The following CFAP221 variants were observed in gnomAD, a reference collection of about 807,000 sequenced individuals.
The protein encoded by CFAP221 is cilia and flagella associated protein 221, also known as cilia- and flagella-associated protein 221.
A neutral mutation model predicts 113.1 loss-of-function variants in CFAP221; 97 were observed. The ratio of observed to expected loss-of-function variants is 0.86; its 90% CI spans 0.73 to 1.02. The LOEUF is 1.02. CFAP221 is among the 50% of genes least tolerant of loss of function. The pLI is 0.00. For synonymous variants in CFAP221, 331 were observed against 354.4 expected, an observed-to-expected ratio of 0.93 and a Z score of 0.74; for missense variants, 1,025 against 1,013.4, an observed-to-expected ratio of 1.01 and a Z score of -0.16.
In CFAP221 at chr2:119,546,190, A is replaced by G. The variant is rs1187447617; in HGVS notation, c.59A>G (p.Asn20Ser). 2.0e-6 allele frequency: 3 copies of G among 1,535,912 alleles called. No homozygotes were observed. The highest frequency in any genetic ancestry group is 1.2e-5 in the South Asian group (1 of 84,036). ...GLKNAKEPFN[N>S]ASPHLLKNLV... ...AAGAATGCTAAAGAACCCTTTAATA[A>G]TGCATCACCCCATCTCTTGAAGAAC... Residue 20 changes from asparagine (N) to serine (S), a missense_variant, in exon 2 of 24, where the codon AAT becomes AGT. Physicochemically the swap from Asn to Ser is conservative, Grantham distance 46. Coordinates refer to ENST00000413369, the MANE Select transcript of CFAP221 (RefSeq NM_001271049.2).
chr2:119,597,693 G>A (rs1435927211), intron 7 of CFAP221, among the ~76,000 whole-genome samples: 4 of 152,154 alleles, frequency 2.6e-5, no homozygotes, highest in East Asian at 1.9e-4. Flanking sequence ...GGTGGGAGCC[G>A]GTGAGCATAG....
intron 6 of CFAP221, among the ~76,000 whole-genome samples, chr2:119,579,884 C>G (rs142627458): frequency 6.6e-6 from 1 of 152,284 alleles, no homozygotes; most frequent in African/African-American, 2.4e-5. Flanking sequence ...CTTTGCTTTG[C>G]CGGGACAGCT....
intron 7 of CFAP221, among the ~76,000 whole-genome samples, chr2:119,596,515 G>C (rs1683992248): frequency 6.6e-6 from 1 of 152,208 alleles, no homozygotes; most frequent in East Asian, 1.9e-4. Flanking sequence ...CCCCCCATCA[G>C]TACAGGCACA....
rs1185666247 is a variant in CFAP221 at position 119,630,570 on chromosome 2, G to T, written c.1732G>T (p.Val578Phe). ...ATTTTCAATCTTCTTTCACCTTCAG[G>T]TTCCTCAACTGTACAAAATTAAGAG... ...KQSYSFFNLQ[V>F]PQLYKIKRYQ... Residue 578 changes from valine (V) to phenylalanine (F), a missense_variant and splice_region_variant, in exon 18 of 24, where the codon GTT becomes TTT. Coordinates refer to ENST00000413369, the MANE Select transcript of CFAP221 (RefSeq NM_001271049.2). 2 of 1,598,694 alleles carry T rather than the reference G, an allele frequency of 1.3e-6. No homozygotes were observed. The highest frequency in any genetic ancestry group is 2.2e-5 in the East Asian group (1 of 44,800).
chr2:119,625,570 A>T lies in CFAP221; in HGVS notation c.1411-13A>T, dbSNP rs1558973579. On this transcript the variant is annotated splice_polypyrimidine_tract_variant and intron_variant, in intron 14 of 23. Coordinates refer to ENST00000413369, the MANE Select transcript of CFAP221 (RefSeq NM_001271049.2). ...GATTAATAATTTGAAATCATTATCCACTCCAATTTCAGGTCATGATTCAGG... is the reference window on the plus strand; with the variant it reads ...GATTAATAATTTGAAATCATTATCCTCTCCAATTTCAGGTCATGATTCAGG... 2 of 1,591,126 alleles carry T rather than the reference A, an allele frequency of 1.3e-6. No homozygotes were observed. The highest frequency in any genetic ancestry group is 1.3e-5 in the African/African-American group (1 of 74,434).
intron 7 of CFAP221, among the ~76,000 whole-genome samples, chr2:119,592,533 C>G (rs1466823556): frequency 6.6e-6 from 1 of 152,196 alleles, no homozygotes; most frequent in Non-Finnish European, 1.5e-5. Context: ...AATGCTGTAG[C>G]TATTTAGTTC....
rs759274091 is a variant in CFAP221, at chr2:119,647,051, G to A, written c.2318+1G>A. On this transcript the variant is annotated splice_donor_variant, in intron 22 of 23. Coordinates refer to ENST00000413369, the MANE Select transcript of CFAP221 (RefSeq NM_001271049.2). LOFTEE classifies it high-confidence loss of function. ...AGGACAGACTAGAAACAGTAGAACG[G>A]TATTTTTTTTTTTTTTAATCTTTGG... The A allele has an allele frequency of 6.8e-7, 1 of 1,469,078 alleles. No homozygotes were observed. Among genetic ancestry groups the A allele is most frequent in the Non-Finnish European group, 9.0e-7 (1 of 1,115,616 alleles). 91.0% of individuals were successfully genotyped at this position (1,469,078 alleles called of 1,614,324 possible). A position where few individuals can be genotyped will look rare whatever the true frequency, so the allele number is the denominator to read the frequency against.
At chr2:119,553,448 G>A (rs775683355) in intron 3 of CFAP221, among the ~76,000 whole-genome samples, 1 of 152,178 alleles carries the variant, frequency 6.6e-6, no homozygotes, top group Non-Finnish European at 1.5e-5. Flanking sequence ...AGTTAAGGAA[G>A]TATTTTTGAG....
intron 3 of CFAP221, among the ~76,000 whole-genome samples, chr2:119,549,590 T>A (rs1346055014): frequency 6.6e-6 from 1 of 152,216 alleles, no homozygotes; most frequent in Non-Finnish European, 1.5e-5. Context: ...CTGCTTAGTG[T>A]CAGAGGCAGA....
At chr2:119,548,571 G>A (rs538218731) in intron 2 of CFAP221, among the ~76,000 whole-genome samples, 3 of 152,332 alleles carry the variant, frequency 2.0e-5, no homozygotes, top group South Asian at 4.1e-4. Flanking sequence ...ACTGTTCCGA[G>A]TGATAACTTT....
chr2:119,558,443 GA>G (rs1680982640), intron 3 of CFAP221, among the ~76,000 whole-genome samples: 1 of 152,206 alleles, frequency 6.6e-6, no homozygotes, highest in Non-Finnish European at 1.5e-5. Context: ...AGTTTCGTAA[GA>G]AAGGGAAGAT....
At chr2:119,615,806 A>G (rs1685483213) in intron 14 of CFAP221, 97 bp downstream of exon 14, 6 of 841,684 alleles carry the variant, frequency 7.1e-6, no homozygotes, top group South Asian at 5.7e-5. Flanking sequence ...TTGAGATACA[A>G]TTTACACACC....
intron 6 of CFAP221, among the ~76,000 whole-genome samples, chr2:119,581,175 C>T (rs903202800): frequency 3.9e-5 from 6 of 152,194 alleles, no homozygotes; most frequent in East Asian, 1.9e-4. Flanking sequence ...CCAAAACACA[C>T]GAATAAATCT....
intron 12 of CFAP221, among the ~76,000 whole-genome samples, chr2:119,609,223 A>G (rs942209817): frequency 2.0e-5 from 3 of 152,220 alleles, no homozygotes; most frequent in Non-Finnish European, 4.4e-5. Context: ...ACAAGTCCAC[A>G]GTGGCTAAAA....
At chr2:119,564,378 T>A (rs892007548) in intron 6 of CFAP221, among the ~76,000 whole-genome samples, 1 of 152,212 alleles carries the variant, frequency 6.6e-6, no homozygotes, top group African/African-American at 2.4e-5. Context: ...AAAAGCTCTT[T>A]AAAAATTGTA....
intron 6 of CFAP221, among the ~76,000 whole-genome samples, chr2:119,563,663 G>C (rs1226218764): frequency 1.3e-5 from 2 of 152,182 alleles, no homozygotes; most frequent in African/African-American, 4.8e-5. Flanking sequence ...CTGATTGATT[G>C]CTGTCTGTGA....
At position 119,608,494 on chromosome 2, in the gene CFAP221, C is replaced by A. The variant is rs878957316; in HGVS notation, c.1134-8C>A. ...GTTCTGGACACAGTTTTTTTTTTTT[C>A]TCCCCAGGCAGGTGCACCTTGGTAA... On this transcript the variant is annotated splice_polypyrimidine_tract_variant and splice_region_variant and intron_variant, in intron 11 of 23. Coordinates refer to ENST00000413369, the MANE Select transcript of CFAP221 (RefSeq NM_001271049.2). The A allele has an allele frequency of 2.4e-6, 3 of 1,265,242 alleles. No homozygotes were observed. The highest frequency in any genetic ancestry group is 3.1e-6 in the Non-Finnish European group (3 of 954,194). 78.4% of individuals were successfully genotyped at this position (1,265,242 alleles called of 1,614,324 possible). A position where few individuals can be genotyped will look rare whatever the true frequency, so the allele number is the denominator to read the frequency against.
chr2:119,610,836 C>T (rs895476860), intron 12 of CFAP221, among the ~76,000 whole-genome samples: 9 of 152,286 alleles, frequency 5.9e-5, no homozygotes, highest in African/African-American at 1.9e-4. Flanking sequence ...ATTAATAGAA[C>T]ACACAGATAG....
chr2:119,585,500 C>T (rs1462595652), intron 6 of CFAP221, among the ~76,000 whole-genome samples: 2 of 152,132 alleles, frequency 1.3e-5, no homozygotes, highest in Non-Finnish European at 2.9e-5. Flanking sequence ...AACTCTTTTG[C>T]AATGTTTTAT....
Sources: gnomAD v4.1 joint callset for allele counts (sites outside exome capture counted in the v4.1 genomes callset) on GRCh38, gnomAD v4.1.1 for gene constraint, MANE v1.5 for transcripts, NCBI Gene and HGNC (gene_info 2026-07-23, HGNC 2026-07-21) for gene names.